Variants in RASSF4 observed in about 807,000 individuals in gnomAD.
RASSF4 encodes ras association domain-containing protein 4.
In RASSF4, 38 loss-of-function variants were observed where a neutral mutation model predicts 41.1. The ratio of observed to expected loss-of-function variants is 0.92; its 90% CI spans 0.71 to 1.21. The LOEUF is 1.21. RASSF4 is among the 50% of genes most tolerant of loss of function. The pLI is 0.00. For missense variants in RASSF4, 414 were observed against 419.4 expected, an observed-to-expected ratio of 0.99 and a Z score of 0.11; for synonymous variants, 179 against 163.4, an observed-to-expected ratio of 1.10 and a Z score of -0.73.
At chr10:44,978,859 A>G (rs1205917364) in intron 3 of RASSF4, 2 of 152,252 alleles carry the variant, frequency 1.3e-5, no homozygotes, top group East Asian at 1.9e-4. Flanking sequence ...GCAGCTATCA[A>G]TCACTGTCAC....
At chr10:44,971,741 C>T in intron 2 of RASSF4, 32 bp from the exon 3 acceptor site, 1 of 1,572,870 alleles carries the variant, frequency 6.4e-7, no homozygotes, top group Non-Finnish European at 8.8e-7. Context: ...CTGCCACACC[C>T]TAGGAGTACA....
In RASSF4 at chr10:44,971,776, G is replaced by A. The variant is rs137971526; in HGVS notation, c.66G>A (p.Ser22=). 1.4e-4 allele frequency: 224 copies of A among 1,613,604 alleles called. 1 individual carries two copies. In the African/African-American group the frequency reaches 2.1e-3, roughly 15 times the overall value. Residue 22 remains serine, a synonymous_variant, in exon 3 of 11, where the codon TCG becomes TCA. Transcript: ENST00000340258. ...PISDSKSIQK[S]ELLGLLKTYN... The stretch of plus-strand genomic sequence containing the variant: ...ATGTGTGTCTTTCCCTTTTTAGGTC[G>A]GAGCTCTTAGGCCTGCTGAAAACCT...
intron 1 of RASSF4, among the ~76,000 whole-genome samples, chr10:44,962,354 G>T (rs1840739895): frequency 1.3e-5 from 2 of 152,244 alleles, no homozygotes; most frequent in African/African-American, 2.4e-5. Context: ...TATGCAAATT[G>T]TGTGTGTGTT....
intron 1 of RASSF4, among the ~76,000 whole-genome samples, chr10:44,963,676 G>T (rs537190655): frequency 6.6e-6 from 1 of 152,152 alleles, no homozygotes; most frequent in African/African-American, 2.4e-5. Flanking sequence ...TGCTTCCCAG[G>T]TCACTTTCGT....
intron 3 of RASSF4, chr10:44,978,755 G>A (rs1192280760): frequency 6.6e-6 from 1 of 152,454 alleles, no homozygotes; most frequent in Non-Finnish European, 1.5e-5. Context: ...GCTGGGAGGA[G>A]GACAGTGCAC....
Position 44,982,664 on chromosome 10 carries a change from G to A in RASSF4, c.281+1G>A. On this transcript the variant is annotated splice_donor_variant, in intron 4 of 10. Coordinates refer to ENST00000340258, the MANE Select transcript of RASSF4 (RefSeq NM_032023.4). LOFTEE classifies it high-confidence loss of function. Reference sequence around the variant, plus strand: ...TGCCCAGACGGCCTAGCTGCCCTCTGTGAGTACCCGGTGGCTTCTGTGACA... The same window carrying A: ...TGCCCAGACGGCCTAGCTGCCCTCTATGAGTACCCGGTGGCTTCTGTGACA... The A allele has an allele frequency of 6.2e-7, 1 of 1,612,596 alleles. No individual in the cohort carries two copies. Among genetic ancestry groups the A allele is most frequent in the Middle Eastern group, 1.7e-4 (1 of 5,872 alleles).
At chr10:44,979,678 C>A (rs908368603) in intron 3 of RASSF4, among the ~76,000 whole-genome samples, 4 of 152,080 alleles carry the variant, frequency 2.6e-5, no homozygotes, top group African/African-American at 7.2e-5. Context: ...GTGGTGAGGG[C>A]GCGCCGGACA....
intron 10 of RASSF4, 62 bp from the exon 11 acceptor site, chr10:44,993,207 T>C: frequency 2.7e-6 from 4 of 1,470,706 alleles, no homozygotes; most frequent in Non-Finnish European, 3.8e-6. Context: ...TCCCTTGCTC[T>C]GCTGCCCACC....
rs1841184151 is a variant in RASSF4, at chr10:44,971,855, C to G, written c.138+7C>G. 6.2e-7 allele frequency: 1 copy of G among 1,603,792 alleles called. No homozygotes were observed. Among genetic ancestry groups the G allele is most frequent in the Non-Finnish European group, 8.5e-7 (1 of 1,172,280 alleles). On this transcript the variant is annotated splice_region_variant and intron_variant, in intron 3 of 10. Coordinates refer to ENST00000340258, the MANE Select transcript of RASSF4 (RefSeq NM_032023.4). The stretch of plus-strand genomic sequence containing the variant: ...CCAGCTGAGACACCGTGAGGTGAGC[C>G]TGTTGCTCTTGTTCATGGGGTCACC...
Position 44,970,239 on chromosome 10 carries a change from A to G in RASSF4, c.37A>G (p.Ile13Val). ...EDCLPSSHVPISDSKSIQKSE... is the reference protein window; with the variant it reads ...EDCLPSSHVPVSDSKSIQKSE... ...CTGTCTGCCGAGTTCTCACGTGCCCATCAGTGACAGCAAGTCCATTCAGAA... is the reference window on the plus strand; with the variant it reads ...CTGTCTGCCGAGTTCTCACGTGCCCGTCAGTGACAGCAAGTCCATTCAGAA... Residue 13 changes from isoleucine (I) to valine (V), a missense_variant, in exon 2 of 11, where the codon ATC becomes GTC. By Grantham distance (29) the Ile-to-Val change is conservative (BLOSUM62 3). Coordinates refer to ENST00000340258, the MANE Select transcript of RASSF4 (RefSeq NM_032023.4). The G allele has an allele frequency of 6.2e-7, 1 of 1,614,122 alleles. No individual in the cohort carries two copies. Among genetic ancestry groups the G allele is most frequent in the Non-Finnish European group, 8.5e-7 (1 of 1,179,934 alleles).
intron 2 of RASSF4, chr10:44,971,207 T>C (rs1315331009): frequency 6.1e-6 from 2 of 328,404 alleles, no homozygotes; most frequent in Non-Finnish European, 1.2e-5. Context: ...GGGCTGTGGC[T>C]TTCCCTTCGG....
Position 44,989,322 on chromosome 10 carries a change from A to C in RASSF4, c.580A>C (p.Asn194His). Residue 194 changes from asparagine to histidine, a missense_variant, in exon 7 of 11, where the codon AAC (asparagine) becomes CAC (histidine). Asn to His is a moderately conservative substitution (Grantham distance 68). Coordinates refer to ENST00000340258, the MANE Select transcript of RASSF4 (RefSeq NM_032023.4). Reference sequence around the variant, plus strand: ...TGGATCCGTGACCAATGTGAGGGTCAACAGCACCATGACAACCCTGCAGGT... The same window carrying C: ...TGGATCCGTGACCAATGTGAGGGTCCACAGCACCATGACAACCCTGCAGGT... The part of the protein sequence containing the change: ...AYGSVTNVRV[N>H]STMTTLQVLT... The C allele has an allele frequency of 1.2e-6, 2 of 1,614,080 alleles. No individual in the cohort carries two copies. Among genetic ancestry groups the C allele is most frequent in the Non-Finnish European group, 1.7e-6 (2 of 1,179,930 alleles).
At position 44,971,991 on chromosome 10, in the gene RASSF4, C is replaced by G. The variant is rs547043907; in HGVS notation, c.138+143C>G. ...TTGGACAATAAGTTATATGGTCACT[C>G]TCATCACTCACCTCTGACCCTGAGC... On this transcript the variant is annotated intron_variant, in intron 3 of 10. Transcript: ENST00000340258. 21 of 619,174 alleles carry G rather than the reference C, an allele frequency of 3.4e-5. 1 individual carries two copies. In the South Asian group the frequency reaches 4.0e-4, roughly 12 times the overall value. The allele number at this position is 619,174 out of a possible 1,614,324, so 38.4% of individuals were successfully genotyped here.
At position 44,994,515 on chromosome 10, in the gene RASSF4, C is replaced by T. The variant is rs544661656; in HGVS notation, c.*1186C>T. On this transcript the variant is annotated 3_prime_UTR_variant, in exon 11 of 11. Coordinates refer to ENST00000340258, the MANE Select transcript of RASSF4 (RefSeq NM_032023.4). ...GTAGAAGCTCCTTACGGGTGCCCAT[C>T]AAGAGCATAGCTTGGAAGCCACCAT... 2 of 152,484 alleles carry T rather than the reference C, an allele frequency of 1.3e-5. No individual in the cohort carries two copies. Among genetic ancestry groups the T allele is most frequent in the South Asian group, 2.1e-4 (1 of 4,826 alleles). 9.4% of individuals were successfully genotyped at this position (152,484 alleles called of 1,614,324 possible). A position where few individuals can be genotyped will look rare whatever the true frequency, so the allele number is the denominator to read the frequency against.
At chr10:44,987,971 C>T (rs534866373) in intron 6 of RASSF4, among the ~76,000 whole-genome samples, 13 of 152,194 alleles carry the variant, frequency 8.5e-5, no homozygotes, top group East Asian at 5.8e-4. Context: ...CTTATCAGAG[C>T]GGGGATACTG....
At chr10:44,991,137 A>G (rs762504491) in intron 9 of RASSF4, 68 bp downstream of exon 9, 172 of 1,478,094 alleles carry the variant, frequency 1.2e-4, no homozygotes, top group South Asian at 4.2e-4. Flanking sequence ...GGGGCCTCCC[A>G]AGGACTCCTG....
At chr10:44,973,733 C>CGGGGGCAG (rs1295436465) in intron 3 of RASSF4, among the ~76,000 whole-genome samples, 3 of 152,200 alleles carry the variant, frequency 2.0e-5, no homozygotes, top group Non-Finnish European at 4.4e-5. Context: ...GAACAGTTGT[C>CGGGGGCAG]GGGGGCAGGG....
chr10:44,971,269 A>G, intron 2 of RASSF4: 1 of 353,292 alleles, frequency 2.8e-6, no homozygotes. Flanking sequence ...TCAGGGCCTT[A>G]CTCACAGGGC....
intron 3 of RASSF4, chr10:44,977,637 G>A (rs373182070): frequency 6.2e-7 from 1 of 1,612,860 alleles, no homozygotes; most frequent in African/African-American, 1.3e-5. Flanking sequence ...GGACCCCAGA[G>A]GCCAGCAGAG....
Sources: gnomAD v4.1 joint callset for allele counts (sites outside exome capture counted in the v4.1 genomes callset) on GRCh38, gnomAD v4.1.1 for gene constraint, MANE v1.5 for transcripts, NCBI Gene and HGNC (gene_info 2026-07-23, HGNC 2026-07-21) for gene names.